The following MYO19 variants were observed in gnomAD, a reference collection of about 807,000 sequenced individuals.
The protein encoded by MYO19 is unconventional myosin-XIX.
A neutral mutation model predicts 129.2 loss-of-function variants in MYO19; 132 were observed. The ratio of observed to expected loss-of-function variants is 1.02; its 90% confidence interval spans 0.89 to 1.18. MYO19 has a LOEUF of 1.18. MYO19 is among the 50% of genes most tolerant of loss of function. The pLI is 0.00. For synonymous variants in MYO19, 531 were observed against 477.2 expected, an observed-to-expected ratio of 1.11 and a Z score of -1.47; for missense variants, 1,210 against 1,216.7, an observed-to-expected ratio of 0.99 and a Z score of 0.08.
At chr17:36,508,531 CT>C (rs1336525738) in intron 14 of MYO19, 2 of 159,178 alleles carry the variant, frequency 1.3e-5, no homozygotes, top group Non-Finnish European at 2.8e-5. Flanking sequence ...GCTTCAAACT[CT>C]TGGGCTAAAG....
At chr17:36,537,606 T>G (rs755979482), upstream of MYO19, 2 of 1,614,002 alleles carry the variant, frequency 1.2e-6, no homozygotes, top group East Asian at 4.5e-5. Context: ...AGCAATGGAT[T>G]TTGGAGTAGG....
Position 36,499,057 on chromosome 17 carries a change from T to C in MYO19, c.2463+18A>G. On this transcript the variant is annotated intron_variant, in intron 24 of 25. Transcript: ENST00000614623. ...AAATTGATCCACTGCCCACCCCGAC[T>C]TCTTGGGTCTTACTTACTCTCCACT... 1 of 1,592,084 alleles carries C rather than the reference T, an allele frequency of 6.3e-7. No homozygotes were observed. The highest frequency in any genetic ancestry group is 8.6e-7 in the Non-Finnish European group (1 of 1,166,396).
At chr17:36,540,971 A>G (rs1296482280) in intron 2 of MYO19, among the ~76,000 whole-genome samples, 1 of 152,168 alleles carries the variant, frequency 6.6e-6, no homozygotes, top group African/African-American at 2.4e-5. Flanking sequence ...TATGCCCTTC[A>G]GAAAGTGACT....
chr17:36,527,107 G>A (rs1046603556), intron 5 of MYO19, among the ~76,000 whole-genome samples: 3 of 152,004 alleles, frequency 2.0e-5, no homozygotes, highest in African/African-American at 7.3e-5. Context: ...TGGAGGTTGC[G>A]CTGAGCCCAG....
intron 9 of MYO19, 52 bp from the exon 10 acceptor site, chr17:36,513,777 G>A: frequency 6.8e-7 from 1 of 1,480,628 alleles, no homozygotes; most frequent in South Asian, 1.2e-5. Context: ...GAAAAGCCCA[G>A]GCCTGCATAG....
rs566149491 is a variant in MYO19 at position 36,542,698 on chromosome 17, C to G, written n.310+428G>C. Among the ~76,000 whole-genome samples, 14 of 127,734 alleles carry G rather than the reference C, an allele frequency of 1.1e-4. No individual in the cohort carries two copies. The South Asian group carries it at 3.5e-3, about 32-fold the overall frequency. The allele number at this position is 127,734 out of a possible 152,430, so 83.8% of individuals were successfully genotyped here. On this transcript the variant is annotated intron_variant and non_coding_transcript_variant, in intron 1 of 2. Coordinates refer to the MYO19 transcript ENST00000610496. ...TGGGCGACAGAGTGAGACTCCGTCTCAAAAAAAAAAAAAAGGTTTAAAGTG... is the reference window on the plus strand; with the variant it reads ...TGGGCGACAGAGTGAGACTCCGTCTGAAAAAAAAAAAAAAGGTTTAAAGTG...
chr17:36,503,796 G>A (rs995805095), intron 20 of MYO19, among the ~76,000 whole-genome samples, 154 bp downstream of exon 20: 3 of 152,248 alleles, frequency 2.0e-5, no homozygotes, highest in Admixed American at 6.5e-5. Flanking sequence ...GAACGAATGG[G>A]TGCTGCTCCC....
upstream of MYO19, chr17:36,539,321 T>C (rs944730385): frequency 6.0e-6 from 1 of 167,062 alleles, no homozygotes; most frequent in Admixed American, 6.5e-5. Context: ...TTGTCAATAC[T>C]TGTTTATTGC....
chr17:36,527,715 C>T lies in MYO19; in HGVS notation c.152-16G>A, dbSNP rs747795115. On this transcript the variant is annotated splice_polypyrimidine_tract_variant and intron_variant, in intron 4 of 25. Coordinates refer to ENST00000614623, the MANE Select transcript of MYO19 (RefSeq NM_001163735.2). Reference sequence around the variant, plus strand: ...CACCTCAGGACTGAGGCAGAGATGCCTTTAGCAAACTCGGGCTCAAATATA... The same window carrying T: ...CACCTCAGGACTGAGGCAGAGATGCTTTTAGCAAACTCGGGCTCAAATATA... 1.2e-6 allele frequency: 2 copies of T among 1,601,966 alleles called. No homozygotes were observed. The highest frequency in any genetic ancestry group is 1.1e-5 in the South Asian group (1 of 89,688).
intron 24 of MYO19, chr17:36,498,828 T>A (rs1227807688): frequency 3.4e-6 from 2 of 593,938 alleles, no homozygotes; most frequent in African/African-American, 1.9e-5. Context: ...CCCAGTCTTC[T>A]AAAGTGTACA....
At chr17:36,539,101 CAA>C (rs1317034246), upstream of MYO19, 1 of 167,278 alleles carries the variant, frequency 6.0e-6, no homozygotes, top group Non-Finnish European at 1.5e-5. Flanking sequence ...CAAGAAGAAA[CAA>C]AGCCTTTTGA....
rs1416760219 is a variant in MYO19 at position 36,496,209 on chromosome 17, A to AG, written c.*41dup. ...GCTGATTAAATGTCTTTGGCAAGGC[A>AG]GGGGGCAGGAAAAGGCCTTGTGGAA... On this transcript the variant is annotated 3_prime_UTR_variant, in exon 26 of 26. Transcript: ENST00000614623. 13 of 1,608,940 alleles carry AG rather than the reference A, an allele frequency of 8.1e-6. No individual in the cohort carries two copies. The Admixed American group carries it at 1.0e-4, about 12-fold the overall frequency.
chr17:36,509,108 G>A lies in MYO19; in HGVS notation c.1185C>T (p.Ile395=). 1 of 1,613,850 alleles carries A rather than the reference G, an allele frequency of 6.2e-7. No homozygotes were observed. The highest frequency in any genetic ancestry group is 8.5e-7 in the Non-Finnish European group (1 of 1,179,822). Residue 395 remains isoleucine (I), a synonymous_variant, in exon 14 of 26, where the codon ATC becomes ATT. Coordinates refer to ENST00000614623, the MANE Select transcript of MYO19 (RefSeq NM_001163735.2). The part of the protein sequence containing the change: ...ARLFDWLVSV[I]NSSICADTDS... Reference sequence around the variant, plus strand: ...CGGTGTCTGCACAGATGCTGCTGTTGATCACTGATACCAGCCAGTCAAACA... The same window carrying A: ...CGGTGTCTGCACAGATGCTGCTGTTAATCACTGATACCAGCCAGTCAAACA...
intron 23 of MYO19, chr17:36,500,216 C>G (rs945223797): frequency 5.9e-5 from 9 of 152,350 alleles, no homozygotes; most frequent in Admixed American, 5.2e-4. Context: ...AGGAGGGCAT[C>G]GCCCTTAATA....
At chr17:36,503,886 C>T in intron 20 of MYO19, 64 bp downstream of exon 20, 1 of 1,348,308 alleles carries the variant, frequency 7.4e-7, no homozygotes, top group Non-Finnish European at 9.9e-7. Context: ...GGCTCTTGCC[C>T]AATGAGAGTC....
chr17:36,515,385 T>C (rs1284645829), intron 7 of MYO19, among the ~76,000 whole-genome samples: 1 of 152,088 alleles, frequency 6.6e-6, no homozygotes, highest in Non-Finnish European at 1.5e-5. Context: ...TTAGAAGAAA[T>C]TCCTGGCAAG....
upstream of MYO19, chr17:36,537,642 G>C (rs772405749): frequency 1.9e-6 from 3 of 1,614,146 alleles, no homozygotes; most frequent in Non-Finnish European, 2.5e-6. Context: ...GTCTGCAATG[G>C]TTTGTCTAGA....
In MYO19 at chr17:36,498,564, A is replaced by G. The variant is rs2071215148; in HGVS notation, c.2464-5T>C. 2 of 1,605,666 alleles carry G rather than the reference A, an allele frequency of 1.2e-6. No homozygotes were observed. Among genetic ancestry groups the G allele is most frequent in the Non-Finnish European group, 1.7e-6 (2 of 1,173,668 alleles). On this transcript the variant is annotated splice_region_variant and splice_polypyrimidine_tract_variant and intron_variant, in intron 24 of 25. Coordinates refer to ENST00000614623, the MANE Select transcript of MYO19 (RefSeq NM_001163735.2). ...AGCAAGGCAGGCCATTCTGATCTTAAAAAGCAAATATCCCTTTATAGCTTT... is the reference window on the plus strand; with the variant it reads ...AGCAAGGCAGGCCATTCTGATCTTAGAAAGCAAATATCCCTTTATAGCTTT...
chr17:36,510,465 T>C (rs1333609651), intron 13 of MYO19, among the ~76,000 whole-genome samples: 1 of 152,230 alleles, frequency 6.6e-6, no homozygotes, highest in Non-Finnish European at 1.5e-5. Context: ...CTCTTCACCT[T>C]GCTGAGGCTA....
Sources: gnomAD v4.1 joint callset for allele counts (sites outside exome capture counted in the v4.1 genomes callset) on GRCh38, gnomAD v4.1.1 for gene constraint, MANE v1.5 for transcripts, NCBI Gene and HGNC (gene_info 2026-07-23, HGNC 2026-07-21) for gene names.